CCDC97: variants seen among roughly 807,000 people sequenced by gnomAD.
CCDC97 encodes the protein coiled-coil domain-containing protein 97.
In CCDC97, 27 loss-of-function variants were observed where a neutral mutation model predicts 33.9. The ratio of observed to expected loss-of-function variants is 0.80; its 90% CI spans 0.59 to 1.10. CCDC97 has a LOEUF of 1.10. CCDC97 is among the 50% of genes least tolerant of loss of function. The probability of loss-of-function intolerance (pLI) is 0.00; values close to 1 mark genes in which losing one functional copy is unlikely to be tolerated. For missense variants in CCDC97, 422 were observed against 476.6 expected (o/e 0.89, Z 1.07); for synonymous variants, 217 against 194.0 (o/e 1.12, Z -0.99).
chr19:41,314,587 TTG>T (rs2037723355), intron 1 of CCDC97, among the ~76,000 whole-genome samples: 1 of 152,266 alleles, frequency 6.6e-6, no homozygotes, highest in South Asian at 2.1e-4. Context: ...TTTGCAGTAG[TTG>T]TTGCCTCTGC....
chr19:41,310,419 T>C, intron 1 of CCDC97, 63 bp downstream of exon 1: 2 of 1,557,054 alleles, frequency 1.3e-6, no homozygotes, highest in Non-Finnish European at 1.7e-6. Context: ...AGGAAATGAT[T>C]CCCCCAGGAA....
rs1253841961 is a variant in CCDC97, at chr19:41,316,781, C to T, written c.444C>T (p.Arg148=). Residue 148 remains arginine, a synonymous_variant, in exon 2 of 5, where the codon CGC becomes CGT. Transcript: ENST00000269967. The part of the protein sequence containing the change: ...EVARQGTARP[R]TLRTRLRNRR... The stretch of plus-strand genomic sequence containing the variant: ...CCCGGCAGGGCACTGCCCGGCCCCG[C>T]ACCCTGCGTACCCGCCTGCGTAACC... 1.2e-6 allele frequency: 2 copies of T among 1,609,224 alleles called. No homozygotes were observed. Among genetic ancestry groups the T allele is most frequent in the East Asian group, 4.5e-5 (2 of 44,682 alleles).
At chr19:41,320,868 C>A in intron 4 of CCDC97, 1 of 201,044 alleles carries the variant, frequency 5.0e-6, no homozygotes, top group Non-Finnish European at 1.0e-5. Context: ...AGTTCATGCC[C>A]GGCATGGAGG....
At chr19:41,319,897 C>A in intron 3 of CCDC97, 45 bp downstream of exon 3, 1 of 918,588 alleles carries the variant, frequency 1.1e-6, no homozygotes, top group Non-Finnish European at 1.6e-6. Context: ...GACACCCCAG[C>A]CCTAGGCCTG....
chr19:41,310,928 G>A, intron 1 of CCDC97: 1 of 963,776 alleles, frequency 1.0e-6, no homozygotes, highest in Non-Finnish European at 1.2e-6. Flanking sequence ...CCGACGTCGG[G>A]TGAGGTGTGA....
In CCDC97 at chr19:41,316,552, C is replaced by T. The variant is rs138157924; in HGVS notation, c.215C>T (p.Ala72Val). The T allele has an allele frequency of 1.1e-3, 1,716 of 1,614,248 alleles. 29 individuals carry two copies. The Admixed American group carries it at 0.027, about 25-fold the overall frequency. The change falls in exon 2 of 5, where the codon GCC becomes GTC. Residue 72 changes from alanine (A) to valine (V), a missense_variant. Physicochemically the swap from Ala to Val is moderately conservative, Grantham distance 64 (BLOSUM62 0). Coordinates refer to ENST00000269967, the MANE Select transcript of CCDC97 (RefSeq NM_052848.3). ...AGTGCTATGCTGCACGCTGTAGCCGCCAGCCGCCTGCCTGTTTGCAGCCAG... is the reference window on the plus strand; with the variant it reads ...AGTGCTATGCTGCACGCTGTAGCCGTCAGCCGCCTGCCTGTTTGCAGCCAG... ...AVSAMLHAVA[A>V]SRLPVCSQQQ...
chr19:41,323,223 T>G lies in CCDC97; in HGVS notation c.*508T>G, dbSNP rs1272379569. The G allele has an allele frequency of 6.3e-6, 1 of 157,848 alleles. No individual in the cohort carries two copies. The highest frequency in any genetic ancestry group is 1.4e-5 in the Non-Finnish European group (1 of 71,206). The allele number at this position is 157,848 out of a possible 1,614,324, so 9.8% of individuals were successfully genotyped here. A position where few individuals can be genotyped will look rare whatever the true frequency, so the allele number is the denominator to read the frequency against. ...CCCGTGCTGTCTGTCTCCCCCTCTC[T>G]GTTTATGTCTGCGCTGTGTCTCACA... On this transcript the variant is annotated 3_prime_UTR_variant, in exon 5 of 5. Coordinates refer to ENST00000269967, the MANE Select transcript of CCDC97 (RefSeq NM_052848.3).
chr19:41,317,073 G>C (rs1256374705), intron 2 of CCDC97, among the ~76,000 whole-genome samples: 1 of 152,204 alleles, frequency 6.6e-6, no homozygotes, highest in Non-Finnish European at 1.5e-5. Flanking sequence ...TCAGAATTTA[G>C]TAGATGTTAG....
rs2037856904 is a variant in CCDC97, at chr19:41,324,090, C to G, written c.*1375C>G. 2 of 152,358 alleles carry G rather than the reference C, an allele frequency of 1.3e-5. No homozygotes were observed. The highest frequency in any genetic ancestry group is 6.5e-5 in the Admixed American group (1 of 15,296). 9.4% of individuals were successfully genotyped at this position (152,358 alleles called of 1,614,324 possible). On this transcript the variant is annotated 3_prime_UTR_variant, in exon 5 of 5. Transcript: ENST00000269967. ...AGTCCACGGTTCCTGACCTCCGAGCCTCAGCTATGCCCTCTGGGTCAACCA... is the reference window on the plus strand; with the variant it reads ...AGTCCACGGTTCCTGACCTCCGAGCGTCAGCTATGCCCTCTGGGTCAACCA...
At position 41,319,830 on chromosome 19, in the gene CCDC97, G is replaced by GGAA. The variant is rs1159527870; in HGVS notation, c.761_762insAGA (p.Glu255dup). 9.0e-6 allele frequency: 14 copies of GGAA among 1,559,288 alleles called. No homozygotes were observed. The highest frequency in any genetic ancestry group is 1.2e-5 in the Non-Finnish European group (14 of 1,139,860). On this transcript the variant is annotated inframe_insertion, in exon 3 of 5. Coordinates refer to ENST00000269967, the MANE Select transcript of CCDC97 (RefSeq NM_052848.3). ...AGGCCTGCTTGGAGGAAGAGGAAGA[G>GGAA]GAGGAGGACAGTGACGAGGAAGGTG...
chr19:41,316,565 T>C lies in CCDC97; in HGVS notation c.228T>C (p.Pro76=), dbSNP rs1285246468. ...ACGCTGTAGCCGCCAGCCGCCTGCC[T>C]GTTTGCAGCCAGCAGCAGGGTGAAC... is the stretch of plus-strand genomic sequence containing the variant. ...MLHAVAASRL[P]VCSQQQGEPD... The change falls in exon 2 of 5, where the codon CCT becomes CCC. Residue 76 remains proline, a synonymous_variant. Coordinates refer to ENST00000269967, the MANE Select transcript of CCDC97 (RefSeq NM_052848.3). The C allele has an allele frequency of 6.2e-7, 1 of 1,614,108 alleles. No individual in the cohort carries two copies. Among genetic ancestry groups the C allele is most frequent in the African/African-American group, 1.3e-5 (1 of 74,926 alleles).
intron 2 of CCDC97, among the ~76,000 whole-genome samples, chr19:41,317,560 A>G (rs2123058730): frequency 6.6e-6 from 1 of 151,912 alleles, no homozygotes; most frequent in Non-Finnish European, 1.5e-5. Flanking sequence ...CTGTCTCTAC[A>G]AAAAATACAA....
intron 2 of CCDC97, 98 bp downstream of exon 2, chr19:41,316,937 G>T: frequency 1.1e-6 from 1 of 943,954 alleles, no homozygotes; most frequent in Non-Finnish European, 1.6e-6. Context: ...CAGAGACAGA[G>T]ATCCTGGGAG....
intron 2 of CCDC97, among the ~76,000 whole-genome samples, chr19:41,319,179 A>G (rs914386780): frequency 2.0e-5 from 3 of 152,136 alleles, no homozygotes; most frequent in African/African-American, 7.2e-5. Context: ...AGGTCTGCCC[A>G]TGCACACACA....
chr19:41,317,992 C>CAA (rs764111028), intron 2 of CCDC97, among the ~76,000 whole-genome samples: 3 of 61,886 alleles, frequency 4.8e-5, no homozygotes, highest in Non-Finnish European at 9.3e-5. Context: ...TGGAGGTTGC[C>CAA]AAAAAAAAAA....
At chr19:41,316,961 C>G (rs1258964078) in intron 2 of CCDC97, 122 bp downstream of exon 2, 9 of 756,188 alleles carry the variant, frequency 1.2e-5, no homozygotes, top group Non-Finnish European at 1.9e-5. Flanking sequence ...AGTTCTGAGA[C>G]AGAGACAGGG....
chr19:41,319,976 GC>G, intron 3 of CCDC97, 124 bp downstream of exon 3: 1 of 614,854 alleles, frequency 1.6e-6, no homozygotes, highest in Non-Finnish European at 2.9e-6. Flanking sequence ...TCCCTCCCCT[GC>G]CCAGCCTGAC....
intron 4 of CCDC97, chr19:41,320,720 A>G: frequency 2.2e-6 from 1 of 445,492 alleles, no homozygotes. Context: ...ATAGCTCAGT[A>G]TCAATGAAAC....
chr19:41,322,380 C>T (rs150699201), intron 4 of CCDC97, among the ~76,000 whole-genome samples: 28 of 152,342 alleles, frequency 1.8e-4, no homozygotes, highest in Admixed American at 5.9e-4. Flanking sequence ...GCATGAGCCA[C>T]CATGCCCAGC....
Sources: gnomAD v4.1 joint callset for allele counts (sites outside exome capture counted in the v4.1 genomes callset) on GRCh38, gnomAD v4.1.1 for gene constraint, MANE v1.5 for transcripts, NCBI Gene and HGNC (gene_info 2026-07-23, HGNC 2026-07-21) for gene names.